Variants in SPACDR observed in about 807,000 individuals in gnomAD.
SPACDR encodes uncharacterized protein C7orf61.
the SPACDR span, chr7:100,456,794 G>T: frequency 6.2e-7 from 1 of 1,613,136 alleles, no homozygotes; most frequent in Non-Finnish European, 8.5e-7. Flanking sequence ...ACTGAGCCGG[G>T]TTGGGTCGGG....
the SPACDR span, among the ~76,000 whole-genome samples, chr7:100,458,608 A>G: frequency 6.6e-6 from 1 of 152,284 alleles, no homozygotes; most frequent in African/African-American, 2.4e-5. Context: ...ATAACCTTTT[A>G]GGATTGGTTG....
the SPACDR span, among the ~76,000 whole-genome samples, chr7:100,459,001 C>CTT: frequency 6.0e-4 from 81 of 135,276 alleles, no homozygotes; most frequent in African/African-American, 1.3e-3. Flanking sequence ...TCCTTTTTAC[C>CTT]TTTTTTTTTT....
chr7:100,457,801 ATATGTGTGTG>A, the SPACDR span, among the ~76,000 whole-genome samples: 23 of 74,376 alleles, frequency 3.1e-4, no homozygotes, highest in South Asian at 5.2e-4. Flanking sequence ...TTATATATAT[ATATGTGTGTG>A]TGTGTGTGTG....
the SPACDR span, chr7:100,456,790 C>G: frequency 3.1e-6 from 5 of 1,612,546 alleles, no homozygotes; most frequent in East Asian, 8.9e-5. Context: ...AGGGACTGAG[C>G]CGGGTTGGGT....
chr7:100,460,599 AAGAG>A, the SPACDR span, among the ~76,000 whole-genome samples: 6 of 150,942 alleles, frequency 4.0e-5, no homozygotes, highest in East Asian at 1.9e-4. Flanking sequence ...TAAAAAAAAA[AAGAG>A]AGAGAGAGAG....
chr7:100,456,621 C>G, the SPACDR span: 7 of 735,334 alleles, frequency 9.5e-6, no homozygotes, highest in South Asian at 1.1e-4. Context: ...CATACTGACT[C>G]AGAACTATCT....
the SPACDR span, chr7:100,463,348 T>C: frequency 6.4e-7 from 1 of 1,551,730 alleles, no homozygotes; most frequent in Non-Finnish European, 8.7e-7. Context: ...GAGGGGGTGT[T>C]AGGATGGTGC....
the SPACDR span, among the ~76,000 whole-genome samples, chr7:100,462,996 C>T: frequency 1.4e-4 from 21 of 150,128 alleles, no homozygotes; most frequent in Admixed American, 3.3e-4. Context: ...CCCAGCTACT[C>T]GGGAGGCTGA....
the SPACDR span, chr7:100,464,203 G>C: frequency 5.4e-6 from 8 of 1,472,560 alleles, no homozygotes; most frequent in Non-Finnish European, 7.2e-6. Flanking sequence ...GCCCCTCCTG[G>C]CAATGAATCC....
the SPACDR span, chr7:100,456,934 A>G: frequency 1.1e-5 from 17 of 1,613,594 alleles, no homozygotes; most frequent in African/African-American, 2.0e-4. Context: ...GGAGTCTTCA[A>G]AGGTGACTGC....
chr7:100,457,169 C>CTT, the SPACDR span, among the ~76,000 whole-genome samples: 3 of 143,402 alleles, frequency 2.1e-5, no homozygotes, highest in Admixed American at 7.1e-5. Flanking sequence ...CATTTCTATC[C>CTT]TTTTTTTTTT....
chr7:100,460,204 T>C, the SPACDR span, among the ~76,000 whole-genome samples: 2 of 151,882 alleles, frequency 1.3e-5, no homozygotes, highest in African/African-American at 4.8e-5. Flanking sequence ...TTTAGATTTT[T>C]GTGTGAACAT....
chr7:100,457,853 ATATATTT>A, the SPACDR span, among the ~76,000 whole-genome samples: 3 of 47,394 alleles, frequency 6.3e-5, no homozygotes, highest in African/African-American at 1.6e-4. Context: ...ATATATATAT[ATATATTT>A]TTTTTTTTTT....
At chr7:100,463,536 C>A in the SPACDR span, 6 of 1,613,906 alleles carry the variant, frequency 3.7e-6, no homozygotes, top group Non-Finnish European at 5.1e-6. Context: ...TCGGGGGACT[C>A]ACCCAACTTG....
chr7:100,461,010 A>G, the SPACDR span, among the ~76,000 whole-genome samples: 255 of 152,196 alleles, frequency 1.7e-3, no homozygotes, highest in African/African-American at 5.7e-3. Flanking sequence ...CCTGCCTTCT[A>G]CCAGCTGACT....
the SPACDR span, chr7:100,463,385 C>A: frequency 6.3e-7 from 1 of 1,599,032 alleles, no homozygotes; most frequent in South Asian, 1.1e-5. Flanking sequence ...CATCTGCCAG[C>A]CGCTCTGCAG....
the SPACDR span, chr7:100,463,329 G>T: frequency 4.0e-6 from 6 of 1,511,504 alleles, no homozygotes; most frequent in Middle Eastern, 4.7e-4. Flanking sequence ...TGGGGGCTGG[G>T]GAAAGAGGGA....
the SPACDR span, among the ~76,000 whole-genome samples, chr7:100,457,507 A>C: frequency 1.4e-5 from 2 of 142,298 alleles, no homozygotes; most frequent in Non-Finnish European, 1.5e-5. Flanking sequence ...TTAGTAGAGA[A>C]GGGGTTTCAC....
the SPACDR span, among the ~76,000 whole-genome samples, chr7:100,457,799 A>ATGTGTGTG: frequency 0.08 from 3,614 of 44,966 alleles, 84 homozygotes; most frequent in Non-Finnish European, 0.1. Context: ...TTTTATATAT[A>ATGTGTGTG]TATATGTGTG....
Sources: allele counts gnomAD v4.1 joint callset (sites outside exome capture counted in the v4.1 genomes callset), GRCh38; gene constraint gnomAD v4.1.1; transcripts MANE v1.5; gene names NCBI Gene and HGNC (gene_info 2026-07-23, HGNC 2026-07-21).